Variants in TMEM245 observed in about 807,000 individuals in gnomAD.
TMEM245 encodes protein CG-2.
In TMEM245, 69 loss-of-function variants were observed where a neutral mutation model predicts 101.2. The observed-to-expected ratio is 0.68, with a 90% CI of 0.56 to 0.83. The LOEUF (loss-of-function observed/expected upper bound fraction) is 0.83, where lower values mean the gene tolerates loss of function less well. Among genes scored for constraint, TMEM245 ranks in the 40% least tolerant of loss-of-function variants. The probability of loss-of-function intolerance (pLI) is 0.00; values close to 1 mark genes in which losing one functional copy is unlikely to be tolerated. For synonymous variants in TMEM245, 537 were observed against 449.8 expected (o/e 1.19, Z -2.45); for missense variants, 1,075 against 1,092.8 (o/e 0.98, Z 0.23).
intron 8 of TMEM245, among the ~76,000 whole-genome samples, chr9:109,077,379 C>G (rs1829543296): frequency 1.3e-5 from 2 of 152,238 alleles, no homozygotes; most frequent in South Asian, 2.1e-4. Flanking sequence ...CTTAAAACTC[C>G]TGGAGTCAAG....
intron 17 of TMEM245, among the ~76,000 whole-genome samples, chr9:109,022,467 T>TTATCTATCTATCTATCTATCTATC (rs35280235): frequency 7.9e-4 from 118 of 149,570 alleles, no homozygotes; most frequent in Admixed American, 1.7e-3. Flanking sequence ...TTTATATGCA[T>TTATCTATCTATCTATCTATCTATC]TATCTATCTA....
intron 4 of TMEM245, among the ~76,000 whole-genome samples, chr9:109,091,460 T>G (rs1019288407): frequency 2.6e-5 from 4 of 152,202 alleles, no homozygotes; most frequent in Admixed American, 6.5e-5. Context: ...CCCATAAAAC[T>G]TATTCAAACT....
intron 5 of TMEM245, among the ~76,000 whole-genome samples, chr9:109,088,664 A>T (rs1226678127): frequency 6.6e-6 from 1 of 152,010 alleles, no homozygotes; most frequent in Non-Finnish European, 1.5e-5. Flanking sequence ...AAAAATACAA[A>T]AAATTAGCCA....
chr9:109,087,279 T>C lies in TMEM245; in HGVS notation c.1214A>G (p.His405Arg), dbSNP rs374880025. 98 of 1,613,658 alleles carry C rather than the reference T, an allele frequency of 6.1e-5. No homozygotes were observed. In the African/African-American group the frequency reaches 1.2e-3, roughly 20 times the overall value. The change falls in exon 6 of 18, where the codon CAT (histidine) becomes CGT (arginine). Residue 405 changes from histidine (H) to arginine (R), a missense_variant. Transcript: ENST00000374586. ...GVVDFLEKRYHVWWGIIESFL... is the reference protein window; with the variant it reads ...GVVDFLEKRYRVWWGIIESFL... ...GCTTTCTATAATGCCCCACCACACA[T>C]GGTAGCGTTTCTCTAGGAAATCCAC... is the stretch of plus-strand genomic sequence containing the variant.
chr9:109,053,062 G>A (rs1828732992), intron 12 of TMEM245, among the ~76,000 whole-genome samples: 1 of 152,128 alleles, frequency 6.6e-6, no homozygotes, highest in Admixed American at 6.5e-5. Flanking sequence ...AGGAGAAACT[G>A]GGTAAAGGCA....
chr9:109,067,945 G>A (rs1409236585), intron 9 of TMEM245, among the ~76,000 whole-genome samples: 4 of 152,160 alleles, frequency 2.6e-5, no homozygotes, highest in Non-Finnish European at 4.4e-5. Context: ...AATCCACTGA[G>A]TACTGAGAGA....
intron 16 of TMEM245, among the ~76,000 whole-genome samples, chr9:109,033,918 C>T (rs552074232): frequency 2.5e-4 from 38 of 152,190 alleles, no homozygotes; most frequent in Non-Finnish European, 4.6e-4. Context: ...TTTTATATGA[C>T]GACAGCAACA....
At chr9:109,032,076 G>T (rs944418497) in intron 17 of TMEM245, among the ~76,000 whole-genome samples, 1 of 152,060 alleles carries the variant, frequency 6.6e-6, no homozygotes, top group Non-Finnish European at 1.5e-5. Context: ...CCCTCTCCCA[G>T]TTCTGGCGGA....
intron 8 of TMEM245, among the ~76,000 whole-genome samples, chr9:109,074,106 C>T (rs1283412699): frequency 6.6e-6 from 1 of 152,060 alleles, no homozygotes; most frequent in Non-Finnish European, 1.5e-5. Flanking sequence ...GGGATCTATC[C>T]ACCTTGGCCT....
chr9:109,075,215 G>T (rs1467542666), intron 8 of TMEM245, among the ~76,000 whole-genome samples: 1 of 152,126 alleles, frequency 6.6e-6, no homozygotes, highest in African/African-American at 2.4e-5. Flanking sequence ...TTACATTCCC[G>T]AAATAAACCT....
At chr9:109,083,861 G>C (rs903989692) in intron 7 of TMEM245, among the ~76,000 whole-genome samples, 3 of 123,652 alleles carry the variant, frequency 2.4e-5, no homozygotes, top group Admixed American at 1.0e-4. Context: ...TTCAAGACCA[G>C]CCTGGGCAAC....
chr9:109,092,714 C>T (rs1383800798), intron 4 of TMEM245, among the ~76,000 whole-genome samples: 6 of 152,190 alleles, frequency 3.9e-5, no homozygotes, highest in Admixed American at 3.3e-4. Flanking sequence ...ACTCCAAATA[C>T]CTCTGGCACT....
rs775891399 is a variant in TMEM245, at chr9:109,060,420, A to G, written c.1656T>C (p.Asn552=). ...LHKILGDKVN[N]TAVIEKQVLE... Reference sequence around the variant, plus strand: ...GTACTTGCTTTTCAATTACAGCAGTATTGTTCACCTTATCTCCTAGAATTT... The same window carrying G: ...GTACTTGCTTTTCAATTACAGCAGTGTTGTTCACCTTATCTCCTAGAATTT... The change falls in exon 11 of 18, where the codon AAT becomes AAC. Residue 552 remains asparagine (N), a synonymous_variant. Transcript: ENST00000374586. 28 of 1,613,612 alleles carry G rather than the reference A, an allele frequency of 1.7e-5. No individual in the cohort carries two copies. The South Asian group carries it at 3.0e-4, about 17-fold the overall frequency.
intron 1 of TMEM245, 121 bp downstream of exon 1, chr9:109,119,214 G>A: frequency 2.2e-6 from 2 of 895,104 alleles, no homozygotes; most frequent in Non-Finnish European, 3.2e-6. Context: ...GGAGACGGAC[G>A]GTCACTGCAG....
intron 10 of TMEM245, among the ~76,000 whole-genome samples, chr9:109,061,948 T>C (rs1829028702): frequency 6.6e-6 from 1 of 152,124 alleles, no homozygotes; most frequent in Non-Finnish European, 1.5e-5. Flanking sequence ...TATATGGATG[T>C]TCATTGCAGG....
intron 8 of TMEM245, among the ~76,000 whole-genome samples, chr9:109,076,312 T>C (rs10114800): frequency 0.073 from 10,311 of 141,508 alleles, 420 homozygotes; most frequent in South Asian, 0.14. Flanking sequence ...TTCTCACTCA[T>C]AGATGGGAAC....
Position 109,119,849 on chromosome 9 carries a change from C to A in TMEM245, c.65G>T (p.Arg22Leu). The change falls in exon 1 of 18, where the codon CGG (arginine) becomes CTG (leucine). Residue 22 changes from arginine to leucine, a missense_variant. Physicochemically the swap from Arg to Leu is moderately radical, Grantham distance 102. Around this residue, in one of 2 missense-constraint regions of TMEM245, gnomAD observed 808 missense variants for 741.5 expected, o/e 1.09. Coordinates refer to ENST00000374586, the MANE Select transcript of TMEM245 (RefSeq NM_032012.4). ...ACTCGGCCCGACCGCGCGCGGGACC[C>A]GCGGCGCCGGCCCGGGAGAGCTCCG... Reference protein sequence around the residue: ...SLRSSPGPAPRVPRAVGPSGG... With the variant: ...SLRSSPGPAPLVPRAVGPSGG... 1.5e-6 allele frequency: 2 copies of A among 1,330,844 alleles called. No individual in the cohort carries two copies. 82.4% of individuals were successfully genotyped at this position (1,330,844 alleles called of 1,614,324 possible).
intron 17 of TMEM245, among the ~76,000 whole-genome samples, chr9:109,032,376 T>C (rs929581513): frequency 1.4e-5 from 1 of 69,364 alleles, no homozygotes; most frequent in Admixed American, 1.8e-4. Context: ...TTTTTTTTTT[T>C]TTTTTTTTTT....
At chr9:109,093,641 G>A in intron 3 of TMEM245, 50 bp from the exon 4 acceptor site, 1 of 1,457,290 alleles carries the variant, frequency 6.9e-7, no homozygotes, top group Non-Finnish European at 9.6e-7. Context: ...GGAAATAATG[G>A]CTGCAAATTT....
Sources: allele counts gnomAD v4.1 joint callset (sites outside exome capture counted in the v4.1 genomes callset), GRCh38; gene constraint gnomAD v4.1.1; regional missense constraint gnomAD v4.1.1; transcripts MANE v1.5; gene names NCBI Gene and HGNC (gene_info 2026-07-23, HGNC 2026-07-21).